Variants in C2 observed in about 807,000 individuals in gnomAD.
C2 encodes the protein complement C2.
In C2, 64 loss-of-function variants were observed where a neutral mutation model predicts 85.2. The ratio of observed to expected loss-of-function variants is 0.75; its 90% CI spans 0.61 to 0.92. The LOEUF (loss-of-function observed/expected upper bound fraction) is 0.92. Among genes scored for constraint, C2 ranks in the 40% least tolerant of loss-of-function variants. The probability of loss-of-function intolerance (pLI) is 0.00; values close to 1 mark genes in which losing one functional copy is unlikely to be tolerated. For missense variants in C2, 820 were observed against 971.6 expected, an observed-to-expected ratio of 0.84 and a Z score of 2.07; for synonymous variants, 311 against 370.8, an observed-to-expected ratio of 0.84 and a Z score of 1.85.
At chr6:31,926,505 TG>T (rs1769268639), upstream of C2, among the ~76,000 whole-genome samples, 1 of 152,034 alleles carries the variant, frequency 6.6e-6, no homozygotes, top group African/African-American at 2.4e-5. Context: ...GCTAATTTTT[TG>T]TAATTTTAGT....
In C2 at chr6:31,944,202, C is replaced by CATT; in HGVS notation, c.1880_1882dup (p.Ile627dup). Reference sequence around the variant, plus strand: ...TCGCCTTGAATGGGAGCAAACTGAACATTAACCTTAAGATGGGAGTGGAGG... The same window carrying CATT: ...TCGCCTTGAATGGGAGCAAACTGAACATTATTAACCTTAAGATGGGAGTGGAGG... On this transcript the variant is annotated inframe_insertion, in exon 15 of 18. Transcript: ENST00000299367. The surrounding 1 kb of genome is among the most constrained non-coding windows in gnomAD (Gnocchi z 5.1). The CATT allele has an allele frequency of 6.2e-7, 1 of 1,611,868 alleles. No individual in the cohort carries two copies. The highest frequency in any genetic ancestry group is 8.5e-7 in the Non-Finnish European group (1 of 1,178,974).
intron 1 of C2, among the ~76,000 whole-genome samples, chr6:31,905,842 C>T (rs181513924): frequency 3.1e-4 from 47 of 152,078 alleles, no homozygotes; most frequent in Non-Finnish European, 4.4e-5. Flanking sequence ...TGTTTGTGGG[C>T]ATCTCTGAGA....
chr6:31,942,247 C>G (rs1210035024), intron 9 of C2, among the ~76,000 whole-genome samples: 1 of 149,316 alleles, frequency 6.7e-6, no homozygotes, highest in African/African-American at 2.5e-5. Flanking sequence ...ACGCCTGGCT[C>G]TGGCTTACCT....
chr6:31,940,296 C>T (rs1254060776), intron 9 of C2, among the ~76,000 whole-genome samples: 3 of 152,104 alleles, frequency 2.0e-5, no homozygotes, highest in Non-Finnish European at 4.4e-5. Flanking sequence ...TGACCACGAC[C>T]GTCGTCGTTA....
intron 1 of C2, among the ~76,000 whole-genome samples, chr6:31,907,877 G>A (rs1415861422): frequency 4.4e-5 from 4 of 90,676 alleles, no homozygotes; most frequent in African/African-American, 1.4e-4. Context: ...ATGGAGTTTC[G>A]CCCTTGTTGC....
intron 9 of C2, among the ~76,000 whole-genome samples, chr6:31,939,678 C>T (rs189059230): frequency 6.6e-6 from 1 of 152,174 alleles, no homozygotes; most frequent in Admixed American, 6.5e-5. Flanking sequence ...GCCTCAAATT[C>T]CTGGTTTCAA....
Position 31,927,794 on chromosome 6 carries a change from C to A in C2, c.42C>A (p.Tyr14Ter). 3.7e-6 allele frequency: 6 copies of A among 1,613,772 alleles called. No homozygotes were observed. The highest frequency in any genetic ancestry group is 5.1e-6 in the Non-Finnish European group (6 of 1,179,886). Residue 14 changes from tyrosine to a stop codon, truncating the protein, a stop_gained, in exon 1 of 18, where the codon TAC becomes TAA. Transcript: ENST00000299367. LOFTEE classifies it high-confidence loss of function. The surrounding 1 kb of genome is among the most constrained non-coding windows in gnomAD (Gnocchi z 4.7). ...LMVLFCLLFL[Y>*]PGLADSAPSC... is the part of the protein sequence containing the mutation. ...TTCTTTTTTGCCTGCTGTTCCTGTA[C>A]CCAGGTAGGAGGCAGGGAAGGGGGA...
At position 31,933,981 on chromosome 6, in the gene C2, G is replaced by C. The variant is rs961840682; in HGVS notation, c.715+16G>C. 3 of 1,606,616 alleles carry C rather than the reference G, an allele frequency of 1.9e-6. No homozygotes were observed. Among genetic ancestry groups the C allele is most frequent in the African/African-American group, 2.7e-5 (2 of 74,778 alleles). On this transcript the variant is annotated intron_variant, in intron 5 of 17. Coordinates refer to ENST00000299367, the MANE Select transcript of C2 (RefSeq NM_000063.6). ...AAGACAAAGGGTGAGTGTTTGAGGT[G>C]GGGTTTCTGGTTGAGCAGGGTGCTG...
At chr6:31,931,273 T>C (rs1769716556) in intron 3 of C2, among the ~76,000 whole-genome samples, 1 of 151,636 alleles carries the variant, frequency 6.6e-6, no homozygotes, top group African/African-American at 2.4e-5. Flanking sequence ...TTTTTTTTTT[T>C]TTTTTTTTAA....
chr6:31,934,074 T>G, intron 5 of C2, 92 bp from the exon 6 acceptor site: 1 of 1,569,486 alleles, frequency 6.4e-7, no homozygotes, highest in Non-Finnish European at 8.8e-7. Context: ...GCTCAGCCAC[T>G]GAAAGGGAGG....
chr6:31,938,862 A>G (rs1488904462), intron 8 of C2, among the ~76,000 whole-genome samples: 1 of 152,176 alleles, frequency 6.6e-6, no homozygotes, highest in Non-Finnish European at 1.5e-5. Context: ...CATGTTGGTC[A>G]AGCTGGTCTC....
Position 31,945,540 on chromosome 6 carries a change from C to T in C2, c.*183C>T, listed in dbSNP as rs567255004. ...ATCCTCAGGGCTCCTACCAGCAGGA[C>T]TGCCTCGCTGCCCCACCTCCCGCTC... On this transcript the variant is annotated 3_prime_UTR_variant, in exon 18 of 18. Coordinates refer to ENST00000299367, the MANE Select transcript of C2 (RefSeq NM_000063.6). The surrounding 1 kb of genome is among the most constrained non-coding windows in gnomAD (Gnocchi z 5.3). 1.4e-5 allele frequency: 9 copies of T among 642,832 alleles called. No homozygotes were observed. Among genetic ancestry groups the T allele is most frequent in the Non-Finnish European group, 2.2e-5 (8 of 359,064 alleles). 39.8% of individuals were successfully genotyped at this position (642,832 alleles called of 1,614,324 possible).
At chr6:31,940,772 G>A (rs768002432) in intron 9 of C2, among the ~76,000 whole-genome samples, 6 of 152,196 alleles carry the variant, frequency 3.9e-5, no homozygotes, top group Non-Finnish European at 8.8e-5. Flanking sequence ...GAAACCAAAC[G>A]AAAATAGTCA....
chr6:31,922,789 C>A (rs1272580903), upstream of C2, among the ~76,000 whole-genome samples: 2 of 152,138 alleles, frequency 1.3e-5, no homozygotes, highest in African/African-American at 4.8e-5. The surrounding 1 kb of genome is among the most constrained non-coding windows in gnomAD (Gnocchi z 4.8). Context: ...TTGCAGTGAG[C>A]CGAGATCGTA....
Position 31,935,016 on chromosome 6 carries a change from TAAATAAAATA to T in C2, c.849+738_849+747del, listed in dbSNP as rs70990291. ...AGAGCAAAACTCTGTCTCAAAAAAA[TAAATAAAATA>T]AAATAAAATAAAATAAAATATGTGT... On this transcript the variant is annotated intron_variant, in intron 6 of 17. Coordinates refer to ENST00000299367, the MANE Select transcript of C2 (RefSeq NM_000063.6). The surrounding 1 kb of genome is among the most constrained non-coding windows in gnomAD (Gnocchi z 4.3). The T allele has an allele frequency of 0.04, 33,033 of 828,166 alleles. 1,126 individuals carry two copies. Among genetic ancestry groups the T allele is most frequent in the African/African-American group, 0.14 (7,733 of 54,198 alleles). 51.3% of individuals were successfully genotyped at this position (828,166 alleles called of 1,614,324 possible). A position where few individuals can be genotyped will look rare whatever the true frequency, so the allele number is the denominator to read the frequency against.
chr6:31,908,146 A>AC (rs1554272483), intron 1 of C2, among the ~76,000 whole-genome samples: 1 of 120,682 alleles, frequency 8.3e-6, no homozygotes, highest in Non-Finnish European at 1.7e-5. Context: ...GCACCCGGCC[A>AC]TTTTTTTTTT....
chr6:31,901,379 A>G, intron 1 of C2: 2 of 1,471,744 alleles, frequency 1.4e-6, no homozygotes, highest in Non-Finnish European at 1.8e-6. Context: ...TCCGAAGCCA[A>G]GGCTCCAGGA....
At chr6:31,933,474 C>T (rs1582087904) in intron 3 of C2, 136 bp from the exon 4 acceptor site, 1 of 835,792 alleles carries the variant, frequency 1.2e-6, no homozygotes, top group East Asian at 2.7e-5. Flanking sequence ...CCCTGGGTCT[C>T]TGGGGGCTCT....
rs751164193 is a variant in C2 at position 31,944,952 on chromosome 6, A to G, written c.2030-28A>G. 74 of 1,612,938 alleles carry G rather than the reference A, an allele frequency of 4.6e-5. No individual in the cohort carries two copies. The highest frequency in any genetic ancestry group is 6.2e-5 in the Non-Finnish European group (73 of 1,180,000). ...ACACCAGTCCACTGCCCTAGATGAC[A>G]CTGTCTCCTGTCACCCTTTGCTGGC... On this transcript the variant is annotated intron_variant, in intron 16 of 17. Coordinates refer to ENST00000299367, the MANE Select transcript of C2 (RefSeq NM_000063.6). The surrounding 1 kb of genome is among the most constrained non-coding windows in gnomAD (Gnocchi z 5.1).
Sources: allele counts gnomAD v4.1 joint callset (sites outside exome capture counted in the v4.1 genomes callset), GRCh38; gene constraint gnomAD v4.1.1; non-coding constraint Gnocchi (gnomAD v3.1); transcripts MANE v1.5; gene names NCBI Gene and HGNC (gene_info 2026-07-23, HGNC 2026-07-21).